EFNA5: variants seen among roughly 807,000 people sequenced by gnomAD.
EFNA5 encodes ephrin-A5.
A neutral mutation model predicts 22.9 loss-of-function variants in EFNA5; 5 were observed. That is an observed-to-expected ratio of 0.22 (90% CI 0.11 to 0.46). EFNA5 has a LOEUF of 0.46. Among genes scored for constraint, EFNA5 ranks in the 20% least tolerant of loss-of-function variants. The pLI is 0.99. For synonymous variants in EFNA5, 113 were observed against 112.2 expected (o/e 1.01, Z -0.04); for missense variants, 237 against 293.3 (o/e 0.81, Z 1.40).
chr5:107,450,123 TA>T (rs1157381057), intron 1 of EFNA5, among the ~76,000 whole-genome samples: 5 of 152,322 alleles, frequency 3.3e-5, no homozygotes, highest in Middle Eastern at 3.4e-3. Flanking sequence ...GAAATATTTA[TA>T]TGCCTCGACT....
chr5:107,442,951 A>C (rs1446930183), intron 1 of EFNA5, among the ~76,000 whole-genome samples: 3 of 140,098 alleles, frequency 2.1e-5, no homozygotes, highest in Admixed American at 1.4e-4. Flanking sequence ...AAAAAAAAAA[A>C]AACCCTGTGA....
chr5:107,409,168 A>G (rs1260647151), intron 2 of EFNA5, among the ~76,000 whole-genome samples: 1 of 152,106 alleles, frequency 6.6e-6, no homozygotes, highest in Non-Finnish European at 1.5e-5. Context: ...TACTTACACC[A>G]CCCTAGGAAA....
chr5:107,588,896 C>T (rs10045552), intron 1 of EFNA5, among the ~76,000 whole-genome samples: 37,478 of 152,158 alleles, frequency 0.25, 5,320 homozygotes, highest in Non-Finnish European at 0.33. Context: ...ATTCCTCTCA[C>T]TGAACAGGTG....
At position 107,381,479 on chromosome 5, in the gene EFNA5, G is replaced by C. The variant is rs553990305; in HGVS notation, c.566-103C>G. On this transcript the variant is annotated intron_variant, in intron 4 of 4. Transcript: ENST00000333274. Reference sequence around the variant, plus strand: ...GACCTCGCCACCCTCTGCAAAGTAGGGTAATGAACCTTGTGCCACCATTGA... The same window carrying C: ...GACCTCGCCACCCTCTGCAAAGTAGCGTAATGAACCTTGTGCCACCATTGA... The C allele has an allele frequency of 3.6e-4, 478 of 1,309,820 alleles. 9 individuals are homozygous for C. The South Asian group carries it at 8.0e-3, about 22-fold the overall frequency. 81.1% of individuals were successfully genotyped at this position (1,309,820 alleles called of 1,614,324 possible).
At chr5:107,667,687 A>C (rs907562478) in intron 1 of EFNA5, among the ~76,000 whole-genome samples, 11 of 152,208 alleles carry the variant, frequency 7.2e-5, no homozygotes, top group Non-Finnish European at 1.5e-4. Flanking sequence ...GGAAAAATAA[A>C]AAAAATTATT....
chr5:107,566,560 G>A (rs773267130), intron 1 of EFNA5, among the ~76,000 whole-genome samples: 2 of 152,110 alleles, frequency 1.3e-5, no homozygotes, highest in Admixed American at 6.5e-5. Flanking sequence ...TTTAAAACAC[G>A]TAAGCAAATA....
At chr5:107,502,006 T>C (rs1747146571) in intron 1 of EFNA5, among the ~76,000 whole-genome samples, 1 of 152,158 alleles carries the variant, frequency 6.6e-6, no homozygotes. Flanking sequence ...CAGTGAGAAA[T>C]ACCCCATCTG....
chr5:107,469,034 C>G (rs1310210435), intron 1 of EFNA5, among the ~76,000 whole-genome samples: 2 of 152,200 alleles, frequency 1.3e-5, no homozygotes, highest in Non-Finnish European at 2.9e-5. Flanking sequence ...GAATGTTTAG[C>G]AGGACCAACT....
At chr5:107,626,828 T>A (rs1750151417) in intron 1 of EFNA5, among the ~76,000 whole-genome samples, 2 of 152,222 alleles carry the variant, frequency 1.3e-5, no homozygotes, top group Non-Finnish European at 2.9e-5. Context: ...TTCTTTCTTA[T>A]CAGCATTTCT....
intron 4 of EFNA5, 68 bp from the exon 5 acceptor site, chr5:107,381,444 G>C: frequency 6.5e-7 from 1 of 1,530,176 alleles, no homozygotes; most frequent in South Asian, 1.2e-5. Context: ...GCAGCAGCCT[G>C]CTGTTAACAG....
intron 1 of EFNA5, among the ~76,000 whole-genome samples, chr5:107,428,262 A>ATT (rs1275498409): frequency 6.6e-6 from 1 of 152,220 alleles, no homozygotes; most frequent in Non-Finnish European, 1.5e-5. Flanking sequence ...CAACCCATCT[A>ATT]AATCAAATGG....
At chr5:107,485,316 T>C (rs1746586577) in intron 1 of EFNA5, among the ~76,000 whole-genome samples, 1 of 152,176 alleles carries the variant, frequency 6.6e-6, no homozygotes, top group African/African-American at 2.4e-5. Context: ...GCAAATTCAA[T>C]GTAAAAAAGA....
intron 1 of EFNA5, among the ~76,000 whole-genome samples, chr5:107,427,964 T>G (rs1239381515): frequency 1.3e-5 from 2 of 152,336 alleles, no homozygotes; most frequent in East Asian, 3.9e-4. Flanking sequence ...ACCGAATTGT[T>G]TTTTGTTATA....
chr5:107,646,724 T>C (rs1359936228), intron 1 of EFNA5, among the ~76,000 whole-genome samples: 2 of 152,140 alleles, frequency 1.3e-5, no homozygotes, highest in Non-Finnish European at 2.9e-5. Context: ...AAAAAATATT[T>C]ACATGGTGAG....
At chr5:107,492,997 A>AC (rs1308537648) in intron 1 of EFNA5, among the ~76,000 whole-genome samples, 1 of 151,980 alleles carries the variant, frequency 6.6e-6, no homozygotes, top group Non-Finnish European at 1.5e-5. Flanking sequence ...CATCTCAAAA[A>AC]AAAAAAAAAA....
At chr5:107,512,161 G>T (rs1008197789) in intron 1 of EFNA5, among the ~76,000 whole-genome samples, 1 of 152,142 alleles carries the variant, frequency 6.6e-6, no homozygotes, top group African/African-American at 2.4e-5. Context: ...ACATAAAGCA[G>T]CATTCAACAG....
intron 2 of EFNA5, 60 bp from the exon 3 acceptor site, chr5:107,387,831 T>TTGTATGTGTATGTA: frequency 8.7e-7 from 1 of 1,147,094 alleles, no homozygotes; most frequent in Non-Finnish European, 1.3e-6. Flanking sequence ...ATATTACTCT[T>TTGTATGTGTATGTA]CATTTTCACA....
At chr5:107,480,546 G>C (rs1750430122) in intron 1 of EFNA5, among the ~76,000 whole-genome samples, 1 of 152,220 alleles carries the variant, frequency 6.6e-6, no homozygotes, top group South Asian at 2.1e-4. Flanking sequence ...TATGGATCAA[G>C]ACTAAAGACA....
intron 1 of EFNA5, among the ~76,000 whole-genome samples, chr5:107,513,249 G>A (rs1190002445): frequency 1.3e-5 from 2 of 152,160 alleles, no homozygotes; most frequent in Non-Finnish European, 2.9e-5. Flanking sequence ...TGAGCCAAGA[G>A]GAGAGGGAGA....
Sources: allele counts gnomAD v4.1 joint callset (sites outside exome capture counted in the v4.1 genomes callset), GRCh38; gene constraint gnomAD v4.1.1; transcripts MANE v1.5; gene names NCBI Gene and HGNC (gene_info 2026-07-23, HGNC 2026-07-21).